SHISA6: variants seen among roughly 807,000 people sequenced by gnomAD.
SHISA6 encodes protein shisa-6.
A neutral mutation model predicts 47.9 loss-of-function variants in SHISA6; 22 were observed. The ratio of observed to expected loss-of-function variants is 0.46; its 90% confidence interval spans 0.33 to 0.66. The LOEUF (loss-of-function observed/expected upper bound fraction) is 0.66, where lower values mean the gene tolerates loss of function less well. Among genes scored for constraint, SHISA6 ranks in the 30% least tolerant of loss-of-function variants. SHISA6 has a pLI of 0.02. For missense variants in SHISA6, 680 were observed against 764.6 expected (o/e 0.89, Z 1.30); for synonymous variants, 388 against 337.8 (o/e 1.15, Z -1.63).
chr17:11,394,593 C>G (rs1183657906), intron 3 of SHISA6, among the ~76,000 whole-genome samples: 1 of 152,202 alleles, frequency 6.6e-6, no homozygotes, highest in Non-Finnish European at 1.5e-5. Flanking sequence ...TAGCTCAATT[C>G]TGCACCTCCC....
At chr17:11,495,037 G>A (rs2071396913) in intron 3 of SHISA6, among the ~76,000 whole-genome samples, 1 of 152,166 alleles carries the variant, frequency 6.6e-6, no homozygotes, top group East Asian at 1.9e-4. Context: ...GGTTTCCTGA[G>A]ACATGGGACT....
At chr17:11,492,822 T>G (rs1211595847) in intron 3 of SHISA6, among the ~76,000 whole-genome samples, 1 of 152,128 alleles carries the variant, frequency 6.6e-6, no homozygotes, top group Non-Finnish European at 1.5e-5. Context: ...CAAGCCCCAA[T>G]CCCCACTTCT....
chr17:11,408,774 G>A (rs998338305), intron 3 of SHISA6, among the ~76,000 whole-genome samples: 1 of 152,180 alleles, frequency 6.6e-6, no homozygotes, highest in African/African-American at 2.4e-5. Context: ...ATTAATTCAG[G>A]TGTTTCTTAC....
chr17:11,278,981 A>T (rs1158057270), intron 2 of SHISA6, among the ~76,000 whole-genome samples: 1 of 152,208 alleles, frequency 6.6e-6, no homozygotes, highest in Non-Finnish European at 1.5e-5. Context: ...GGGCCATTTA[A>T]GAGTGAGCCA....
In SHISA6 at chr17:11,331,679, T is replaced by C. The variant is rs114109345; in HGVS notation, c.800-47735T>C. Among the ~76,000 whole-genome samples, 605 of 152,208 alleles carry C rather than the reference T, an allele frequency of 4.0e-3. 4 individuals are homozygous for C. Among genetic ancestry groups the C allele is most frequent in the African/African-American group, 0.014 (571 of 41,528 alleles). ...CTCTCTCTCACATACGAGCTTTCCC[T>C]ATTTCTTCTCTTCTTGTCTATCTTT... On this transcript the variant is annotated intron_variant, in intron 2 of 5. Transcript: ENST00000441885.
In SHISA6 at chr17:11,291,503, G is replaced by A. The variant is rs374494552; in HGVS notation, c.799+27977G>A. Among the ~76,000 whole-genome samples, 741 of 151,970 alleles carry A rather than the reference G, an allele frequency of 4.9e-3. 7 individuals carry two copies. The highest frequency in any genetic ancestry group is 0.017 in the African/African-American group (697 of 41,452). ...ACAAAAATTAGCCGGGCATGGTGGC[G>A]GGCGCCTGTAGTCCCAGCTACTCGG... On this transcript the variant is annotated intron_variant, in intron 2 of 5. Transcript: ENST00000441885.
Position 11,558,661 on chromosome 17 carries a change from G to GTTC in SHISA6, c.*357_*358insTTC. On this transcript the variant is annotated 3_prime_UTR_variant, in exon 6 of 6. Coordinates refer to ENST00000441885, the MANE Select transcript of SHISA6 (RefSeq NM_207386.4). Reference sequence around the variant, plus strand: ...GACTCAGCTGCAGGTTCTGTCAGCAGAGAGACCCTTGCTTGACTGTGGTCT... The same window carrying GTTC: ...GACTCAGCTGCAGGTTCTGTCAGCAGTTCAGAGACCCTTGCTTGACTGTGGTCT... The GTTC allele has an allele frequency of 3.1e-6, 1 of 319,254 alleles. No individual in the cohort carries two copies. 19.8% of individuals were successfully genotyped at this position (319,254 alleles called of 1,614,324 possible).
At chr17:11,396,288 A>G (rs1913570171) in intron 3 of SHISA6, among the ~76,000 whole-genome samples, 1 of 152,082 alleles carries the variant, frequency 6.6e-6, no homozygotes, top group Admixed American at 6.5e-5. Context: ...CTAATATTTC[A>G]TTTAGCATTT....
intron 3 of SHISA6, among the ~76,000 whole-genome samples, chr17:11,430,347 A>C (rs905562703): frequency 6.6e-6 from 1 of 152,124 alleles, no homozygotes; most frequent in Non-Finnish European, 1.5e-5. Context: ...TCCAGGATCA[A>C]GTGTTTTACC....
intron 1 of SHISA6, among the ~76,000 whole-genome samples, chr17:11,243,524 T>C (rs1248269157): frequency 6.6e-6 from 1 of 152,152 alleles, no homozygotes; most frequent in Non-Finnish European, 1.5e-5. Flanking sequence ...TATCCTCTTG[T>C]GTGAGAAACA....
intron 3 of SHISA6, among the ~76,000 whole-genome samples, chr17:11,457,179 C>A (rs1597525783): frequency 6.6e-6 from 1 of 152,290 alleles, no homozygotes; most frequent in African/African-American, 2.4e-5. Context: ...AGGGCCCCAG[C>A]GTTTCGAATG....
rs566950351 is a variant in SHISA6 at position 11,262,637 on chromosome 17, C to T, written c.639-729C>T. 1.8e-4 allele frequency among the ~76,000 whole-genome samples: 27 copies of T among 152,300 alleles called. No homozygotes were observed. In the South Asian group the frequency reaches 3.5e-3, roughly 20 times the overall value. ...TGCATGTTTGGTTGTTGAAGCTAGG[C>T]GCTGAGTTAACAAAAGCTGCTTTCT... On this transcript the variant is annotated intron_variant, in intron 1 of 5. Coordinates refer to ENST00000441885, the MANE Select transcript of SHISA6 (RefSeq NM_207386.4).
At chr17:11,427,956 A>T (rs969216816) in intron 3 of SHISA6, among the ~76,000 whole-genome samples, 1 of 152,184 alleles carries the variant, frequency 6.6e-6, no homozygotes. Flanking sequence ...TGCTGGGACT[A>T]GAATAGCAAC....
chr17:11,399,703 T>C (rs777197887), intron 3 of SHISA6, among the ~76,000 whole-genome samples: 2 of 152,180 alleles, frequency 1.3e-5, no homozygotes, highest in Non-Finnish European at 2.9e-5. Context: ...ATTACAGGCA[T>C]GAGGCACTGC....
intron 2 of SHISA6, among the ~76,000 whole-genome samples, chr17:11,284,265 A>C (rs991885400): frequency 6.6e-5 from 10 of 152,200 alleles, no homozygotes; most frequent in Non-Finnish European, 1.5e-4. Flanking sequence ...AAAGTCCCAA[A>C]GTAGGCAATT....
At chr17:11,242,838 C>T (rs1237948776) in intron 1 of SHISA6, among the ~76,000 whole-genome samples, 1 of 152,136 alleles carries the variant, frequency 6.6e-6, no homozygotes, top group Admixed American at 6.5e-5. Context: ...CCTGGTTGCA[C>T]GCTGAATGCT....
chr17:11,384,214 C>G (rs1258960307), intron 3 of SHISA6, among the ~76,000 whole-genome samples: 2 of 152,208 alleles, frequency 1.3e-5, no homozygotes. Flanking sequence ...TGCTGCTGCT[C>G]ACTGTGCTAT....
intron 3 of SHISA6, among the ~76,000 whole-genome samples, chr17:11,533,411 A>G (rs1216549283): frequency 1.3e-5 from 2 of 152,012 alleles, no homozygotes; most frequent in South Asian, 4.2e-4. Flanking sequence ...ACCGTCTCTC[A>G]TCTGCACTCC....
intron 3 of SHISA6, among the ~76,000 whole-genome samples, chr17:11,519,863 AG>A (rs1382028443): frequency 1.3e-5 from 2 of 152,132 alleles, no homozygotes; most frequent in Non-Finnish European, 1.5e-5. Context: ...TGAAGCATTC[AG>A]CTGTCCTCCT....
Sources: allele counts gnomAD v4.1 joint callset (sites outside exome capture counted in the v4.1 genomes callset), GRCh38; gene constraint gnomAD v4.1.1; transcripts MANE v1.5; gene names NCBI Gene and HGNC (gene_info 2026-07-23, HGNC 2026-07-21).